The following SLC25A28 variants were observed in gnomAD, a reference collection of about 807,000 sequenced individuals.
SLC25A28 encodes mitoferrin-2.
Under a neutral mutation model 31.9 loss-of-function variants are expected in SLC25A28, and 10 were observed. That is an observed-to-expected ratio of 0.31 (90% CI 0.19 to 0.53). The LOEUF (loss-of-function observed/expected upper bound fraction) is 0.53. SLC25A28 is among the 20% of genes least tolerant of loss of function. The pLI is 0.95. For missense variants in SLC25A28, 256 were observed against 490.3 expected (o/e 0.52, Z 4.51); for synonymous variants, 208 against 203.6 (o/e 1.02, Z -0.19).
At chr10:99,625,991 T>G in the SLC25A28 span, among the ~76,000 whole-genome samples, 2 of 152,244 alleles carry the variant, frequency 1.3e-5, no homozygotes, top group East Asian at 3.8e-4. Context: ...GGAATCTTTG[T>G]TACAGCAGGT....
At chr10:99,654,678 C>T in the SLC25A28 span, among the ~76,000 whole-genome samples, 2 of 151,378 alleles carry the variant, frequency 1.3e-5, no homozygotes, top group African/African-American at 4.9e-5. Context: ...ACAACAACAA[C>T]AAAAAGATCA....
Position 99,610,730 on chromosome 10 carries a change from G to A in SLC25A28, c.*119C>T. ...TGTTAGTCAAAACACCAAAATCCTG[G>A]GGGAGAGCCCCTCTACCTTCCTTCT... On this transcript the variant is annotated 3_prime_UTR_variant, in exon 4 of 4. Coordinates refer to ENST00000370495, the MANE Select transcript of SLC25A28 (RefSeq NM_031212.4). 1.5e-6 allele frequency: 2 copies of A among 1,314,636 alleles called. No individual in the cohort carries two copies. The highest frequency in any genetic ancestry group is 2.1e-6 in the Non-Finnish European group (2 of 959,726). The allele number at this position is 1,314,636 out of a possible 1,614,324, so 81.4% of individuals were successfully genotyped here. A position where few individuals can be genotyped will look rare whatever the true frequency, so the allele number is the denominator to read the frequency against.
intron 1 of SLC25A28, chr10:99,616,466 T>C: frequency 2.0e-6 from 2 of 983,292 alleles, no homozygotes; most frequent in South Asian, 4.7e-5. Flanking sequence ...CTATATTTGT[T>C]CATATCTAAG....
At chr10:99,624,415 A>G (rs2034847626), upstream of SLC25A28, among the ~76,000 whole-genome samples, 1 of 152,102 alleles carries the variant, frequency 6.6e-6, no homozygotes, top group Non-Finnish European at 1.5e-5. Context: ...ATTTTTGACA[A>G]GCTCTCAAGT....
chr10:99,612,644 G>A, intron 2 of SLC25A28, 45 bp from the exon 3 acceptor site: 1 of 1,611,906 alleles, frequency 6.2e-7, no homozygotes. Flanking sequence ...CAAGAGAGCT[G>A]ACCAACTCAT....
chr10:99,620,804 C>G (rs1378793688), upstream of SLC25A28: 1 of 985,372 alleles, frequency 1.0e-6, no homozygotes. Flanking sequence ...ACAGAAAGAG[C>G]GACGCGCCCA....
At chr10:99,644,505 T>C in the SLC25A28 span, among the ~76,000 whole-genome samples, 30 of 152,332 alleles carry the variant, frequency 2.0e-4, 1 homozygote, top group South Asian at 5.0e-3. Flanking sequence ...TGACTCCTTA[T>C]GCAATTTGCC....
chr10:99,639,023 T>G, the SLC25A28 span, among the ~76,000 whole-genome samples: 2 of 151,966 alleles, frequency 1.3e-5, no homozygotes, highest in East Asian at 3.9e-4. Context: ...AAATGCAAAA[T>G]CGTAGAACCA....
chr10:99,652,109 AC>A, the SLC25A28 span: 1 of 152,070 alleles, frequency 6.6e-6, no homozygotes, highest in African/African-American at 2.4e-5. Context: ...GTCAGTTTTT[AC>A]TCATTAATAT....
At chr10:99,625,218 A>G (rs2133373519), upstream of SLC25A28, among the ~76,000 whole-genome samples, 1 of 116,236 alleles carries the variant, frequency 8.6e-6, no homozygotes, top group East Asian at 2.5e-4. Flanking sequence ...ATTTATTCTG[A>G]AGAGTGAAAG....
the SLC25A28 span, among the ~76,000 whole-genome samples, chr10:99,626,604 C>G: frequency 1.6e-4 from 25 of 152,294 alleles, no homozygotes; most frequent in Admixed American, 1.6e-3. Flanking sequence ...CATAAAAACA[C>G]CCAGGTTGTC....
chr10:99,617,390 C>A, intron 1 of SLC25A28: 1 of 985,458 alleles, frequency 1.0e-6, no homozygotes, highest in Non-Finnish European at 1.2e-6. Context: ...TGAGGATGGA[C>A]AGGCCTGCAT....
At chr10:99,624,218 TTTCTTTC>T (rs1397258759), upstream of SLC25A28, among the ~76,000 whole-genome samples, 3 of 149,920 alleles carry the variant, frequency 2.0e-5, no homozygotes, top group Non-Finnish European at 3.0e-5. Flanking sequence ...TTTCTTTCTT[TTTCTTTC>T]TTCTTTCTTT....
the SLC25A28 span, among the ~76,000 whole-genome samples, chr10:99,646,676 C>A: frequency 2.0e-5 from 3 of 152,196 alleles, no homozygotes; most frequent in Non-Finnish European, 4.4e-5. Context: ...TCCTATTCGA[C>A]CATCTTGGAA....
the SLC25A28 span, chr10:99,651,948 G>A: frequency 1.3e-5 from 2 of 152,004 alleles, no homozygotes; most frequent in Non-Finnish European, 2.9e-5. Context: ...TGTGTATCTT[G>A]CTTTTGCTGT....
At chr10:99,656,459 T>C in the SLC25A28 span, among the ~76,000 whole-genome samples, 1 of 152,120 alleles carries the variant, frequency 6.6e-6, no homozygotes, top group South Asian at 2.1e-4. Flanking sequence ...TGGAGGAGGT[T>C]TGGGTGGATA....
chr10:99,642,712 T>C, the SLC25A28 span, among the ~76,000 whole-genome samples: 1 of 152,206 alleles, frequency 6.6e-6, no homozygotes, highest in Admixed American at 6.5e-5. Flanking sequence ...CTGTCAAAAA[T>C]AGCTCTTATT....
At chr10:99,623,586 C>T (rs2034831186), upstream of SLC25A28, among the ~76,000 whole-genome samples, 1 of 152,192 alleles carries the variant, frequency 6.6e-6, no homozygotes, top group Non-Finnish European at 1.5e-5. Context: ...CTGCCTGCCT[C>T]GAGGATCCCC....
the SLC25A28 span, among the ~76,000 whole-genome samples, chr10:99,655,406 A>G: frequency 6.6e-6 from 1 of 152,234 alleles, no homozygotes; most frequent in African/African-American, 2.4e-5. Context: ...TTATAAGTTA[A>G]TATAGTTTAA....
Sources: gnomAD v4.1 joint callset for allele counts (sites outside exome capture counted in the v4.1 genomes callset) on GRCh38, gnomAD v4.1.1 for gene constraint, MANE v1.5 for transcripts, NCBI Gene and HGNC (gene_info 2026-07-23, HGNC 2026-07-21) for gene names.